Variants in MYO5C observed in about 807,000 individuals in gnomAD.
The protein encoded by MYO5C is myosin VC, also known as unconventional myosin-Vc.
Under a neutral mutation model 235.7 loss-of-function variants are expected in MYO5C, and 194 were observed. That is an observed-to-expected ratio of 0.82 (90% CI 0.73 to 0.93). The LOEUF is 0.93. Ranked by LOEUF, MYO5C falls within the 40% of genes least tolerant of loss-of-function variation. The probability of loss-of-function intolerance (pLI) is 0.00; values close to 1 mark genes in which losing one functional copy is unlikely to be tolerated. For synonymous variants in MYO5C, 707 were observed against 754.8 expected (o/e 0.94, Z 1.04); for missense variants, 2,038 against 2,127.2 (o/e 0.96, Z 0.82).
chr15:52,221,102 G>A, intron 30 of MYO5C, 60 bp downstream of exon 30: 1 of 1,338,596 alleles, frequency 7.5e-7, no homozygotes, highest in Non-Finnish European at 1.1e-6. Flanking sequence ...ACATTTCAAT[G>A]TCATTTCCGG....
rs776260098 is a variant in MYO5C at position 52,264,292 on chromosome 15, G to C, written c.945C>G (p.Phe315Leu). The C allele has an allele frequency of 6.2e-7, 1 of 1,613,094 alleles. No individual in the cohort carries two copies. Residue 315 changes from phenylalanine to leucine, a missense_variant, in exon 9 of 41, where the codon TTC (phenylalanine) becomes TTG (leucine). Physicochemically the swap from Phe to Leu is conservative, Grantham distance 22 (BLOSUM62 0). Transcript: ENST00000261839. ...AAACGTCCATCTGAAAATCCTCCTT[G>C]AAACCTAAAAACAAACATTTTCCCA... The part of the protein sequence containing the change: ...ETQKTFTLLG[F>L]KEDFQMDVFK...
Position 52,247,605 on chromosome 15 carries a change from G to C in MYO5C, c.1747-13C>G, listed in dbSNP as rs1254778772. ...CACAGAGATGAAACTGGAAGGAACA[G>C]AGAGGATCTCAATGTCCAAAAGCAA... On this transcript the variant is annotated splice_polypyrimidine_tract_variant and intron_variant, in intron 14 of 40. Coordinates refer to ENST00000261839, the MANE Select transcript of MYO5C (RefSeq NM_018728.4). The C allele has an allele frequency of 6.2e-7, 1 of 1,613,560 alleles. No individual in the cohort carries two copies. The highest frequency in any genetic ancestry group is 1.7e-5 in the Admixed American group (1 of 59,952).
intron 8 of MYO5C, 60 bp downstream of exon 8, chr15:52,269,692 TA>T (rs899074691): frequency 4.1e-6 from 5 of 1,209,814 alleles, no homozygotes; most frequent in East Asian, 2.3e-5. Context: ...CGCCTGGCCT[TA>T]ATTTTTTTTT....
Position 52,221,194 on chromosome 15 carries a change from A to G in MYO5C, c.3689T>C (p.Ile1230Thr), listed in dbSNP as rs1052464059. The G allele has an allele frequency of 1.2e-6, 2 of 1,613,108 alleles. No individual in the cohort carries two copies. The highest frequency in any genetic ancestry group is 2.7e-5 in the African/African-American group (2 of 74,902). Residue 1230 changes from isoleucine (I) to threonine (T), a missense_variant, in exon 30 of 41, where the codon ATC becomes ACC. Coordinates refer to ENST00000261839, the MANE Select transcript of MYO5C (RefSeq NM_018728.4). ...TTTCTCAGCTTGTTCATTCAGGCGG[A>G]TTTCAAGATCTTGCTTCTGTTTCTC... is the stretch of plus-strand genomic sequence containing the variant. ...ELEKQKQDLE[I>T]RLNEQAEKMK... is the part of the protein sequence containing the mutation.
intron 1 of MYO5C, among the ~76,000 whole-genome samples, chr15:52,289,343 C>T (rs902772260): frequency 6.6e-6 from 1 of 152,202 alleles, no homozygotes; most frequent in Non-Finnish European, 1.5e-5. Flanking sequence ...GAGCTCTACA[C>T]CACATTTCCA....
At chr15:52,269,680 C>T (rs1452161972) in intron 8 of MYO5C, 73 bp downstream of exon 8, 1 of 1,025,396 alleles carries the variant, frequency 9.8e-7, no homozygotes, top group Non-Finnish European at 1.5e-6. Context: ...TGTGAGCCAC[C>T]ACGCCTGGCC....
intron 2 of MYO5C, among the ~76,000 whole-genome samples, chr15:52,280,828 A>G (rs2037148346): frequency 6.6e-6 from 1 of 152,328 alleles, no homozygotes; most frequent in African/African-American, 2.4e-5. Flanking sequence ...AAGGTCACAC[A>G]GTTAATCTGA....
At chr15:52,198,342 G>C (rs1366373880) in intron 38 of MYO5C, among the ~76,000 whole-genome samples, 1 of 152,072 alleles carries the variant, frequency 6.6e-6, no homozygotes, top group Non-Finnish European at 1.5e-5. Context: ...TCAAAATAAA[G>C]AAAATCAGTC....
intron 11 of MYO5C, among the ~76,000 whole-genome samples, chr15:52,256,139 A>T (rs1371703049): frequency 6.6e-6 from 1 of 152,200 alleles, no homozygotes; most frequent in African/African-American, 2.4e-5. Context: ...AAATGATGAT[A>T]ATTCCATGTG....
intron 8 of MYO5C, 144 bp from the exon 9 acceptor site, chr15:52,264,440 G>A: frequency 1.5e-6 from 1 of 650,644 alleles, no homozygotes; most frequent in Non-Finnish European, 2.7e-6. Context: ...AGGGGCATCT[G>A]GGGCACTGTT....
chr15:52,207,068 G>A (rs997587484), intron 36 of MYO5C, among the ~76,000 whole-genome samples: 1 of 151,960 alleles, frequency 6.6e-6, no homozygotes, highest in Non-Finnish European at 1.5e-5. Flanking sequence ...GGGAAGCAAA[G>A]GTTGCAGTGA....
chr15:52,257,481 G>A (rs993745851), intron 10 of MYO5C, among the ~76,000 whole-genome samples: 2 of 152,196 alleles, frequency 1.3e-5, no homozygotes, highest in Non-Finnish European at 2.9e-5. Context: ...CTTAAGAAAA[G>A]TCAGAAAACT....
chr15:52,291,674 C>T (rs1463450784), intron 1 of MYO5C, among the ~76,000 whole-genome samples: 8 of 151,068 alleles, frequency 5.3e-5, no homozygotes, highest in Admixed American at 1.3e-4. Flanking sequence ...AAAGAAAGAC[C>T]GTCCAATCTT....
At chr15:52,288,053 G>C (rs2037313649) in intron 1 of MYO5C, among the ~76,000 whole-genome samples, 3 of 152,140 alleles carry the variant, frequency 2.0e-5, no homozygotes, top group Admixed American at 1.3e-4. Flanking sequence ...ATGGGAGCTG[G>C]AGCTGAGAGC....
chr15:52,270,785 G>A (rs1333526895), intron 7 of MYO5C, among the ~76,000 whole-genome samples: 1 of 151,950 alleles, frequency 6.6e-6, no homozygotes, highest in African/African-American at 2.4e-5. Flanking sequence ...CATTCTGTTT[G>A]GTAGACAAGG....
Position 52,275,475 on chromosome 15 carries a change from G to A in MYO5C, c.606+87C>T, listed in dbSNP as rs2140850592. 6 of 1,521,686 alleles carry A rather than the reference G, an allele frequency of 3.9e-6. No individual in the cohort carries two copies. In the South Asian group the frequency reaches 6.9e-5, roughly 17 times the overall value. 94.3% of individuals were successfully genotyped at this position (1,521,686 alleles called of 1,614,324 possible). A position where few individuals can be genotyped will look rare whatever the true frequency, so the allele number is the denominator to read the frequency against. ...CACTTCTTTAGTCTTTAAAGGGTGG[G>A]AACTTGAATTAGCCAGGAGAGCACA... On this transcript the variant is annotated intron_variant, in intron 5 of 40. Transcript: ENST00000261839.
intron 35 of MYO5C, among the ~76,000 whole-genome samples, chr15:52,209,506 G>C (rs533310947): frequency 6.6e-6 from 1 of 152,180 alleles, no homozygotes; most frequent in African/African-American, 2.4e-5. Flanking sequence ...GAGGTGGGGA[G>C]AGGCAGGTCC....
chr15:52,200,396 C>T (rs893625958), intron 38 of MYO5C, among the ~76,000 whole-genome samples: 5 of 152,064 alleles, frequency 3.3e-5, no homozygotes, highest in East Asian at 1.9e-4. Flanking sequence ...GGTGAAACCC[C>T]GTCTCTACTA....
At chr15:52,217,174 T>C (rs1024213269) in intron 32 of MYO5C, among the ~76,000 whole-genome samples, 1 of 152,160 alleles carries the variant, frequency 6.6e-6, no homozygotes, top group African/African-American at 2.4e-5. Flanking sequence ...ATGATACTCT[T>C]GTTGTGTGTC....
Sources: gnomAD v4.1 joint callset for allele counts (sites outside exome capture counted in the v4.1 genomes callset) on GRCh38, gnomAD v4.1.1 for gene constraint, MANE v1.5 for transcripts, NCBI Gene and HGNC (gene_info 2026-07-23, HGNC 2026-07-21) for gene names.